ARL6IP4: variants seen among roughly 807,000 people sequenced by gnomAD.
The protein encoded by ARL6IP4 is ARF like GTPase 6 interacting protein 4, also known as ADP-ribosylation factor-like protein 6-interacting protein 4.
A neutral mutation model predicts 28.1 loss-of-function variants in ARL6IP4; 24 were observed. That is an observed-to-expected ratio of 0.86 (90% confidence interval 0.62 to 1.20). ARL6IP4 has a LOEUF of 1.20. ARL6IP4 is among the 50% of genes most tolerant of loss of function. The pLI, the probability that ARL6IP4 is intolerant of heterozygous loss-of-function variation, is 0.00. For synonymous variants in ARL6IP4, 162 were observed against 122.3 expected, an observed-to-expected ratio of 1.32 and a Z score of -2.14; for missense variants, 343 against 302.4, an observed-to-expected ratio of 1.13 and a Z score of -1.00.
chr12:122,980,651 A>T (rs1298468865), upstream of ARL6IP4: 1 of 1,391,734 alleles, frequency 7.2e-7, no homozygotes, highest in Non-Finnish European at 9.3e-7. Flanking sequence ...CCAGCCGGCC[A>T]GCCTCCCGCG....
chr12:122,981,113 T>C lies in ARL6IP4; in HGVS notation c.-11-16T>C, dbSNP rs765432511. The C allele has an allele frequency of 2.6e-6, 4 of 1,545,936 alleles. No homozygotes were observed. In the Admixed American group the frequency reaches 7.9e-5, roughly 31 times the overall value. Reference sequence around the variant, plus strand: ...CCTTGGGGGCTTCGGCTCAAGCGCGTCTTCTTCGTCGCCAGCCCGCGGCGC... The same window carrying C: ...CCTTGGGGGCTTCGGCTCAAGCGCGCCTTCTTCGTCGCCAGCCCGCGGCGC... On this transcript the variant is annotated splice_polypyrimidine_tract_variant and intron_variant, in intron 1 of 5. Coordinates refer to ENST00000315580, the MANE Select transcript of ARL6IP4 (RefSeq NM_018694.4).
At chr12:122,982,188 A>C in intron 4 of ARL6IP4, 114 bp downstream of exon 4, 2 of 1,206,264 alleles carry the variant, frequency 1.7e-6, no homozygotes, top group Non-Finnish European at 2.4e-6. Flanking sequence ...AAAAGGCCAA[A>C]TGTGGGCAAA....
intron 2 of ARL6IP4, 98 bp from the exon 3 acceptor site, chr12:122,981,472 GA>G: frequency 7.1e-7 from 1 of 1,400,286 alleles, no homozygotes; most frequent in East Asian, 2.5e-5. Context: ...CTCTGTTCTG[GA>G]AAGCCCCTCA....
upstream of ARL6IP4, chr12:122,980,523 A>G: frequency 7.3e-7 from 1 of 1,367,484 alleles, no homozygotes; most frequent in South Asian, 1.8e-5. Flanking sequence ...TTCGGCAGAC[A>G]CAGGCGTGAG....
At chr12:122,982,301 C>T in intron 4 of ARL6IP4, 168 bp from the exon 5 acceptor site, 1 of 829,874 alleles carries the variant, frequency 1.2e-6, no homozygotes, top group Non-Finnish European at 1.9e-6. Context: ...AGGCAGAGCC[C>T]AGCTCCACTG....
chr12:122,981,675 T>C lies in ARL6IP4; in HGVS notation c.265T>C (p.Ser89Pro). 6.4e-7 allele frequency: 1 copy of C among 1,553,374 alleles called. No homozygotes were observed. Among genetic ancestry groups the C allele is most frequent in the Non-Finnish European group, 8.7e-7 (1 of 1,148,198 alleles). The change falls in exon 3 of 6, where the codon TCC (serine) becomes CCC (proline). Residue 89 changes from serine (S) to proline (P), a missense_variant. Physicochemically the swap from Ser to Pro is moderately conservative, Grantham distance 74. Coordinates refer to ENST00000315580, the MANE Select transcript of ARL6IP4 (RefSeq NM_018694.4). ...SSSSSSSSSSSSSSSSSSSSD... is the reference protein window; with the variant it reads ...SSSSSSSSSSPSSSSSSSSSD... ...TTCCAGTTCTTCTAGCTCCTCTTCT[T>C]CCTCCTCGTCCTCCTCCTCTTCCTC...
intron 3 of ARL6IP4, 37 bp from the exon 4 acceptor site, chr12:122,981,920 C>T (rs1243247743): frequency 7.4e-6 from 12 of 1,613,512 alleles, no homozygotes; most frequent in African/African-American, 1.3e-5. Flanking sequence ...AAGGTCGCTT[C>T]CCAAGGCCTG....
In ARL6IP4 at chr12:122,981,575, A is replaced by T; in HGVS notation, c.165A>T (p.Ser55=). 1 of 1,546,860 alleles carries T rather than the reference A, an allele frequency of 6.5e-7. No individual in the cohort carries two copies. The highest frequency in any genetic ancestry group is 8.7e-7 in the Non-Finnish European group (1 of 1,147,446). ...CTTCCCCTCCTGGCCTTCCAGCCTC[A>T]CCTTCTCCCTGCATCACAGAGAGAA... ...KASTAPGAEA[S]PSPCITERSK... The change falls in exon 3 of 6, where the codon TCA becomes TCT. Residue 55 remains serine (S), a synonymous_variant. Transcript: ENST00000315580.
chr12:122,981,980 C>T lies in ARL6IP4; in HGVS notation c.493C>T (p.Arg165Ter), dbSNP rs756611996. ...GPVLTDEQKS[R>*]IQAMKPMTKE... The stretch of plus-strand genomic sequence containing the variant: ...AGTCCTGACGGATGAGCAGAAGTCC[C>T]GAATCCAGGCCATGAAGCCCATGAC... The change falls in exon 4 of 6, where the codon CGA becomes TGA. Residue 165 changes from arginine to a stop codon, truncating the protein, a stop_gained. Coordinates refer to ENST00000315580, the MANE Select transcript of ARL6IP4 (RefSeq NM_018694.4). LOFTEE classifies it high-confidence loss of function. 6 of 1,613,698 alleles carry T rather than the reference C, an allele frequency of 3.7e-6. No individual in the cohort carries two copies. The highest frequency in any genetic ancestry group is 3.4e-6 in the Non-Finnish European group (4 of 1,180,014).
upstream of ARL6IP4, chr12:122,980,304 T>C: frequency 7.8e-7 from 1 of 1,284,338 alleles, no homozygotes. Context: ...TTCTGGCCCC[T>C]ACGGACACGA....
rs777692322 is a variant in ARL6IP4, at chr12:122,982,587, T to C, written c.658-33T>C. The C allele has an allele frequency of 2.0e-5, 32 of 1,614,050 alleles. No homozygotes were observed. In the East Asian group the frequency reaches 7.1e-4, roughly 36 times the overall value. On this transcript the variant is annotated intron_variant, in intron 5 of 5. Transcript: ENST00000315580. ...CATCCGCCCCCAGCTCTGTTTGTGA[T>C]GTACCCCTCCTCCTGTGTGCTTTCT...
In ARL6IP4 at chr12:122,981,169, G is replaced by C. The variant is rs2037628613; in HGVS notation, c.30G>C (p.Ser10=). 3 of 1,549,392 alleles carry C rather than the reference G, an allele frequency of 1.9e-6. No homozygotes were observed. Among genetic ancestry groups the C allele is most frequent in the Admixed American group, 2.0e-5 (1 of 50,934 alleles). ...CTCACGTCGGCTCCCGCAAGCGCTC[G>C]AGGAGTCGCAGCCGGTCCCGGGGAC... MAHVGSRKR[S]RSRSRSRGRG... Residue 10 remains serine (S), a synonymous_variant, in exon 2 of 6, where the codon TCG becomes TCC. Coordinates refer to ENST00000315580, the MANE Select transcript of ARL6IP4 (RefSeq NM_018694.4).
chr12:122,980,508 G>A (rs762586641), upstream of ARL6IP4: 1 of 1,363,408 alleles, frequency 7.3e-7, no homozygotes, highest in Non-Finnish European at 9.5e-7. Flanking sequence ...GGAAGTGGGC[G>A]CAGCTTCGGC....
rs1158798826 is a variant in ARL6IP4, at chr12:122,982,883, C to T, written c.*207C>T. 4.9e-6 allele frequency: 3 copies of T among 611,714 alleles called. No homozygotes were observed. The highest frequency in any genetic ancestry group is 2.9e-5 in the Admixed American group (1 of 34,630). 37.9% of individuals were successfully genotyped at this position (611,714 alleles called of 1,614,324 possible). ...CCCCATCTGAAAGAGCAGCACTTCTCAGCTATTAAAGGCCCCCTGGATAGA... is the reference window on the plus strand; with the variant it reads ...CCCCATCTGAAAGAGCAGCACTTCTTAGCTATTAAAGGCCCCCTGGATAGA... On this transcript the variant is annotated 3_prime_UTR_variant, in exon 6 of 6. Transcript: ENST00000315580.
intron 1 of ARL6IP4, 98 bp from the exon 2 acceptor site, chr12:122,981,031 G>A: frequency 7.0e-7 from 1 of 1,430,932 alleles, no homozygotes; most frequent in Non-Finnish European, 9.1e-7. Context: ...GACGGGTACT[G>A]GGCGTCGCCA....
In ARL6IP4 at chr12:122,981,462, C is replaced by T. The variant is rs557669573; in HGVS notation, c.161-109C>T. ...AAGGGGCTCCTCTGGGAAGCTCCAT[C>T]TCTGTTCTGGAAAGCCCCTCAGGAA... is the stretch of plus-strand genomic sequence containing the variant. On this transcript the variant is annotated intron_variant, in intron 2 of 5. Transcript: ENST00000315580. The T allele has an allele frequency of 3.4e-4, 470 of 1,392,418 alleles. 1 individual carries two copies. The highest frequency in any genetic ancestry group is 4.3e-4 in the Non-Finnish European group (450 of 1,050,832). The allele number at this position is 1,392,418 out of a possible 1,614,324, so 86.3% of individuals were successfully genotyped here. A position where few individuals can be genotyped will look rare whatever the true frequency, so the allele number is the denominator to read the frequency against.
chr12:122,980,658 C>A (rs957459077), upstream of ARL6IP4: 88 of 1,379,952 alleles, frequency 6.4e-5, no homozygotes, highest in Non-Finnish European at 7.3e-5. Context: ...GCCAGCCTCC[C>A]GCGCAGCGCC....
chr12:122,980,848 C>CGCG, intron 1 of ARL6IP4, 103 bp downstream of exon 1: 4 of 1,332,214 alleles, frequency 3.0e-6, no homozygotes, highest in Non-Finnish European at 3.8e-6. Context: ...AGACGCCACT[C>CGCG]GCGGCGGACG....
chr12:122,981,493 C>T (rs1394176891), intron 2 of ARL6IP4, 78 bp from the exon 3 acceptor site: 23 of 1,422,596 alleles, frequency 1.6e-5, no homozygotes, highest in Non-Finnish European at 2.1e-5. Context: ...AGGAAGCGCT[C>T]ACCCTGTAGC....
Sources: allele counts gnomAD v4.1 joint callset, GRCh38; gene constraint gnomAD v4.1.1; transcripts MANE v1.5; gene names NCBI Gene and HGNC (gene_info 2026-07-23, HGNC 2026-07-21).